The following GLT8D2 variants were observed in gnomAD, a reference collection of about 807,000 sequenced individuals.
The protein encoded by GLT8D2 is glycosyltransferase 8 domain containing 2, also known as glycosyltransferase 8 domain-containing protein 2.
GLT8D2 carries 45 observed loss-of-function variants against 44.5 expected under a neutral mutation model. The ratio of observed to expected loss-of-function variants is 1.01; its 90% confidence interval spans 0.80 to 1.30. The LOEUF (loss-of-function observed/expected upper bound fraction) is 1.30, where lower values mean the gene tolerates loss of function less well. GLT8D2 is among the 50% of genes most tolerant of loss of function. The probability of loss-of-function intolerance (pLI) is 0.00; values close to 1 mark genes in which losing one functional copy is unlikely to be tolerated. For missense variants in GLT8D2, 400 were observed against 430.4 expected, an observed-to-expected ratio of 0.93 and a Z score of 0.62; for synonymous variants, 156 against 157.2, an observed-to-expected ratio of 0.99 and a Z score of 0.06.
In GLT8D2 at chr12:104,032,908, G is replaced by A. The variant is rs373917871; in HGVS notation, c.-163-11417C>T. Reference sequence around the variant, plus strand: ...TTTTTTTTTTTTGAGACAGTGATTCGTTATATCGTCACCTGGGCTGGAATG... The same window carrying A: ...TTTTTTTTTTTTGAGACAGTGATTCATTATATCGTCACCTGGGCTGGAATG... On this transcript the variant is annotated intron_variant, in intron 1 of 10. Transcript: ENST00000360814. Among the ~76,000 whole-genome samples, 85 of 145,014 alleles carry A rather than the reference G, an allele frequency of 5.9e-4. No homozygotes were observed. The East Asian group carries it at 0.015, about 25-fold the overall frequency.
At chr12:104,015,149 T>C (rs773872259) in intron 3 of GLT8D2, 44 bp from the exon 4 acceptor site, 2 of 1,447,882 alleles carry the variant, frequency 1.4e-6, no homozygotes, top group Non-Finnish European at 1.9e-6. Context: ...CCTATGAACC[T>C]GAAATCACGT....
intron 1 of GLT8D2, among the ~76,000 whole-genome samples, chr12:104,036,836 C>G (rs774271760): frequency 3.3e-5 from 5 of 152,214 alleles, no homozygotes; most frequent in Non-Finnish European, 7.3e-5. Context: ...ACAGAACTCT[C>G]CACCACAAAT....
At chr12:104,019,506 G>A in intron 3 of GLT8D2, 124 bp downstream of exon 3, 1 of 755,470 alleles carries the variant, frequency 1.3e-6, no homozygotes, top group East Asian at 2.7e-5. Context: ...AAAAGTGCCT[G>A]TGGGAAAACT....
At chr12:104,020,283 A>G (rs1877462289) in intron 2 of GLT8D2, among the ~76,000 whole-genome samples, 1 of 152,130 alleles carries the variant, frequency 6.6e-6, no homozygotes, top group Non-Finnish European at 1.5e-5. Context: ...AGCAGAGCAG[A>G]TGGCAGAAAC....
chr12:104,006,963 T>C (rs1040418068), intron 4 of GLT8D2, among the ~76,000 whole-genome samples: 12 of 152,226 alleles, frequency 7.9e-5, no homozygotes, highest in Non-Finnish European at 1.5e-4. Flanking sequence ...TGCTATAAGA[T>C]ACTGGTTGTG....
At chr12:104,052,958 T>C (rs1013610433), upstream of GLT8D2, among the ~76,000 whole-genome samples, 3 of 152,152 alleles carry the variant, frequency 2.0e-5, no homozygotes, top group Non-Finnish European at 4.4e-5. Context: ...AGCTAAAACG[T>C]TGGTCACCTC....
chr12:104,026,243 C>T (rs1464694726), intron 1 of GLT8D2, among the ~76,000 whole-genome samples: 1 of 150,794 alleles, frequency 6.6e-6, no homozygotes, highest in Non-Finnish European at 1.5e-5. Flanking sequence ...CACACCACTG[C>T]CCTCCAGCTT....
intron 1 of GLT8D2, among the ~76,000 whole-genome samples, chr12:104,036,542 A>G (rs1315398662): frequency 1.3e-5 from 2 of 152,244 alleles, no homozygotes; most frequent in Non-Finnish European, 2.9e-5. Flanking sequence ...TTTTAAACCA[A>G]CAAAGATCAA....
upstream of GLT8D2, among the ~76,000 whole-genome samples, chr12:104,054,622 T>C (rs1882018127): frequency 6.6e-6 from 1 of 152,090 alleles, no homozygotes; most frequent in Non-Finnish European, 1.5e-5. Flanking sequence ...CGATTTCATA[T>C]GGACAGCAAA....
At chr12:104,062,549 G>C (rs909566533) in intron 1 of GLT8D2, among the ~76,000 whole-genome samples, 1 of 152,192 alleles carries the variant, frequency 6.6e-6, no homozygotes, top group Non-Finnish European at 1.5e-5. Flanking sequence ...TACAGTGTCT[G>C]TGTTCTCCTT....
chr12:104,018,369 TAA>T (rs1351247041), intron 3 of GLT8D2, among the ~76,000 whole-genome samples: 2 of 152,164 alleles, frequency 1.3e-5, no homozygotes, highest in East Asian at 3.8e-4. Flanking sequence ...TTCCCATTTG[TAA>T]AAGAGTCTTC....
chr12:104,042,366 T>A (rs1177910395), intron 1 of GLT8D2, among the ~76,000 whole-genome samples: 1 of 152,216 alleles, frequency 6.6e-6, no homozygotes, highest in East Asian at 1.9e-4. Flanking sequence ...AGCTCTTATG[T>A]CATCGAACTG....
Position 104,003,269 on chromosome 12 carries a change from C to T in GLT8D2, c.150G>A (p.Glu50=), listed in dbSNP as rs1874498317. The change falls in exon 5 of 11, where the codon GAG becomes GAA. Residue 50 remains glutamate (E), a synonymous_variant. Transcript: ENST00000360814. ...CTGCAGCACAAATCACCACAGGAATCTCTTCTTCCAGTTCTTCAGGAGTCT... is the reference window on the plus strand; with the variant it reads ...CTGCAGCACAAATCACCACAGGAATTTCTTCTTCCAGTTCTTCAGGAGTCT... ...ESETPEELEE[E]IPVVICAAAG... is the part of the protein sequence containing the mutation. 3.1e-6 allele frequency: 5 copies of T among 1,614,022 alleles called. No homozygotes were observed. Among genetic ancestry groups the T allele is most frequent in the African/African-American group, 2.7e-5 (2 of 74,924 alleles).
chr12:104,045,715 G>C (rs1293771692), intron 1 of GLT8D2, among the ~76,000 whole-genome samples: 1 of 151,996 alleles, frequency 6.6e-6, no homozygotes, highest in East Asian at 1.9e-4. Context: ...CTCTGCCTTG[G>C]AACAAAAAGC....
intron 1 of GLT8D2, among the ~76,000 whole-genome samples, chr12:104,062,904 C>T (rs1229710183): frequency 4.6e-5 from 7 of 152,226 alleles, no homozygotes; most frequent in Non-Finnish European, 1.0e-4. Context: ...TCGGAACCCC[C>T]ATGACCTTCC....
chr12:104,034,810 G>C (rs1424510219), intron 1 of GLT8D2, among the ~76,000 whole-genome samples: 3 of 152,254 alleles, frequency 2.0e-5, no homozygotes, highest in Non-Finnish European at 4.4e-5. Context: ...CATGGTGTTT[G>C]AGCTCTGAGA....
intron 6 of GLT8D2, among the ~76,000 whole-genome samples, chr12:103,998,748 T>C (rs146750409): frequency 4.6e-4 from 70 of 152,236 alleles, no homozygotes; most frequent in Admixed American, 1.4e-3. Flanking sequence ...GGTCTCAATA[T>C]GTTGCCCAAG....
chr12:104,041,828 G>GATCCC (rs1880594043), intron 1 of GLT8D2, among the ~76,000 whole-genome samples: 1 of 152,220 alleles, frequency 6.6e-6, no homozygotes, highest in Non-Finnish European at 1.5e-5. Context: ...TGCCTTGGTA[G>GATCCC]ATGTAAGCAT....
intron 4 of GLT8D2, 46 bp downstream of exon 4, chr12:104,014,966 AC>A (rs749339694): frequency 5.1e-6 from 7 of 1,384,704 alleles, no homozygotes; most frequent in Non-Finnish European, 7.2e-6. Context: ...ACATATTCAA[AC>A]CACATTCCTG....
Sources: allele counts gnomAD v4.1 joint callset (sites outside exome capture counted in the v4.1 genomes callset), GRCh38; gene constraint gnomAD v4.1.1; transcripts MANE v1.5; gene names NCBI Gene and HGNC (gene_info 2026-07-23, HGNC 2026-07-21).